The following GNL1 variants were observed in gnomAD, a reference collection of about 807,000 sequenced individuals.
The protein encoded by GNL1 is G protein nucleolar 1, also known as guanine nucleotide-binding protein-like 1.
Under a neutral mutation model 75.2 loss-of-function variants are expected in GNL1, and 21 were observed. The observed-to-expected ratio is 0.28, with a 90% CI of 0.20 to 0.40. GNL1 has a LOEUF of 0.40. GNL1 is among the 10% of genes least tolerant of loss of function. The pLI, the probability that GNL1 is intolerant of heterozygous loss-of-function variation, is 1.00. For missense variants in GNL1, 579 were observed against 775.0 expected (o/e 0.75, Z 3.00); for synonymous variants, 287 against 303.4 (o/e 0.95, Z 0.56).
In GNL1 at chr6:30,555,916, G is replaced by C. The variant is rs1277453818; in HGVS notation, c.74-196C>G. 1 of 790,458 alleles carries C rather than the reference G, an allele frequency of 1.3e-6. No individual in the cohort carries two copies. The highest frequency in any genetic ancestry group is 1.7e-5 in the African/African-American group (1 of 58,048). 49.0% of individuals were successfully genotyped at this position (790,458 alleles called of 1,614,324 possible). On this transcript the variant is annotated intron_variant, in intron 1 of 11. Transcript: ENST00000376621. The surrounding 1 kb of genome is among the most constrained non-coding windows in gnomAD (Gnocchi z 4.3). Reference sequence around the variant, plus strand: ...CAGGGAGCAGTGGGGACGGCGCCCCGTGCTAGCTGGAGGGATTCCCCTCCC... The same window carrying C: ...CAGGGAGCAGTGGGGACGGCGCCCCCTGCTAGCTGGAGGGATTCCCCTCCC...
chr6:30,555,435 T>C lies in GNL1; in HGVS notation c.239+120A>G, dbSNP rs1800088563. The C allele has an allele frequency of 9.4e-7, 1 of 1,069,396 alleles. No individual in the cohort carries two copies. Among genetic ancestry groups the C allele is most frequent in the Admixed American group, 2.1e-5 (1 of 47,358 alleles). The allele number at this position is 1,069,396 out of a possible 1,614,324, so 66.2% of individuals were successfully genotyped here. ...GGCCCGCTGTGGGGAGCCGAGTGGC[T>C]AGCGGAGAACTGTGGCATCCCAGGC... On this transcript the variant is annotated intron_variant, in intron 2 of 11. Coordinates refer to ENST00000376621, the MANE Select transcript of GNL1 (RefSeq NM_005275.5). This position sits in a 1 kb window ranked among gnomAD's most constrained non-coding sequence, Gnocchi z 4.3.
intron 8 of GNL1, among the ~76,000 whole-genome samples, chr6:30,551,139 T>C (rs1269731104): frequency 6.6e-6 from 1 of 152,052 alleles, no homozygotes; most frequent in Non-Finnish European, 1.5e-5. Flanking sequence ...GTTGAATGGG[T>C]AAATGAATGA....
chr6:30,547,824 T>C lies in GNL1; in HGVS notation c.1100-294A>G. 1 of 476,608 alleles carries C rather than the reference T, an allele frequency of 2.1e-6. No homozygotes were observed. Among genetic ancestry groups the C allele is most frequent in the Non-Finnish European group, 3.7e-6 (1 of 271,136 alleles). The allele number at this position is 476,608 out of a possible 1,614,324, so 29.5% of individuals were successfully genotyped here. The stretch of plus-strand genomic sequence containing the variant: ...AGATAACCAATACAACTTGTGTGGG[T>C]CAGTGCCTGCAGTACAGTAAGTACC... On this transcript the variant is annotated intron_variant, in intron 8 of 11. Transcript: ENST00000376621. This position sits in a 1 kb window ranked among gnomAD's most constrained non-coding sequence, Gnocchi z 5.5.
chr6:30,552,724 A>G lies in GNL1; in HGVS notation c.905-63T>C. ...AGGGCTGCTGTGCATGATGGCACAT[A>G]CTGTGCCCTGCACAGATTATGTAAC... On this transcript the variant is annotated intron_variant, in intron 7 of 11. Transcript: ENST00000376621. This position sits in a 1 kb window ranked among gnomAD's most constrained non-coding sequence, Gnocchi z 4.5. 7.1e-7 allele frequency: 1 copy of G among 1,414,462 alleles called. No individual in the cohort carries two copies. The highest frequency in any genetic ancestry group is 9.8e-7 in the Non-Finnish European group (1 of 1,017,128). 87.6% of individuals were successfully genotyped at this position (1,414,462 alleles called of 1,614,324 possible). A position where few individuals can be genotyped will look rare whatever the true frequency, so the allele number is the denominator to read the frequency against.
At position 30,551,874 on chromosome 6, in the gene GNL1, C is replaced by G. The variant is rs200993035; in HGVS notation, c.1099+593G>C. Among the ~76,000 whole-genome samples the G allele has an allele frequency of 9.2e-5, 14 of 151,378 alleles. No individual in the cohort carries two copies. In the East Asian group the frequency reaches 2.7e-3, roughly 29 times the overall value. On this transcript the variant is annotated intron_variant, in intron 8 of 11. Coordinates refer to ENST00000376621, the MANE Select transcript of GNL1 (RefSeq NM_005275.5). ...ATTCCCATCATTCCTCACATCCATT[C>G]TTTTTTTTTAAAGACAGGGTCTCTA... is the stretch of plus-strand genomic sequence containing the variant.
rs918668409 is a variant in GNL1 at position 30,548,406 on chromosome 6, C to A, written c.1100-876G>T. Reference sequence around the variant, plus strand: ...AGCTCCAAAGCCTCAATTCCAAGCACCCCTCTCTGCCCTGACAACTCATCT... The same window carrying A: ...AGCTCCAAAGCCTCAATTCCAAGCAACCCTCTCTGCCCTGACAACTCATCT... On this transcript the variant is annotated intron_variant, in intron 8 of 11. Coordinates refer to ENST00000376621, the MANE Select transcript of GNL1 (RefSeq NM_005275.5). The surrounding 1 kb of genome is among the most constrained non-coding windows in gnomAD (Gnocchi z 4.2). Among the ~76,000 whole-genome samples, 2 of 152,098 alleles carry A rather than the reference C, an allele frequency of 1.3e-5. No homozygotes were observed. The highest frequency in any genetic ancestry group is 4.8e-5 in the African/African-American group (2 of 41,404).
chr6:30,554,982 C>T (rs1294824982), intron 3 of GNL1, 67 bp from the exon 4 acceptor site: 5 of 1,608,662 alleles, frequency 3.1e-6, no homozygotes, highest in Non-Finnish European at 4.3e-6. Flanking sequence ...TCCCAGACCC[C>T]TCCTTCCTCA....
At chr6:30,551,432 C>A (rs1355958272) in intron 8 of GNL1, among the ~76,000 whole-genome samples, 1 of 152,214 alleles carries the variant, frequency 6.6e-6, no homozygotes, top group African/African-American at 2.4e-5. Flanking sequence ...CTACTCCACA[C>A]TCCCAAATTT....
chr6:30,546,192 T>A lies in GNL1; in HGVS notation c.1704A>T (p.Gly568=), dbSNP rs369257124. The A allele has an allele frequency of 2.6e-6, 4 of 1,543,192 alleles. No individual in the cohort carries two copies. The African/African-American group carries it at 5.5e-5, about 21-fold the overall frequency. ...EELSSSCEEE[G]EEDRDADEEG... ...CCTCATCCGCATCCCGGTCCTCCTC[T>A]CCCTCCTCCTCACAGGAGCTGCTCA... The change falls in exon 12 of 12, where the codon GGA becomes GGT. Residue 568 remains glycine (G), a synonymous_variant. Coordinates refer to ENST00000376621, the MANE Select transcript of GNL1 (RefSeq NM_005275.5). The surrounding 1 kb of genome is among the most constrained non-coding windows in gnomAD (Gnocchi z 5.1).
At chr6:30,554,381 G>A (rs1051042144) in intron 5 of GNL1, among the ~76,000 whole-genome samples, 194 bp downstream of exon 5, 4 of 152,146 alleles carry the variant, frequency 2.6e-5, no homozygotes, top group Admixed American at 2.6e-4. Flanking sequence ...AGAGAAGAGT[G>A]AGCTGGCCAA....
chr6:30,552,728 T>C lies in GNL1; in HGVS notation c.905-67A>G. 1 of 1,403,660 alleles carries C rather than the reference T, an allele frequency of 7.1e-7. No individual in the cohort carries two copies. The highest frequency in any genetic ancestry group is 1.4e-5 in the African/African-American group (1 of 70,342). The allele number at this position is 1,403,660 out of a possible 1,614,324, so 87.0% of individuals were successfully genotyped here. Reference sequence around the variant, plus strand: ...CTGCTGTGCATGATGGCACATACTGTGCCCTGCACAGATTATGTAACTGGC... The same window carrying C: ...CTGCTGTGCATGATGGCACATACTGCGCCCTGCACAGATTATGTAACTGGC... On this transcript the variant is annotated intron_variant, in intron 7 of 11. Transcript: ENST00000376621. This position sits in a 1 kb window ranked among gnomAD's most constrained non-coding sequence, Gnocchi z 4.5.
At chr6:30,550,390 G>A (rs1206600176) in intron 8 of GNL1, among the ~76,000 whole-genome samples, 2 of 152,050 alleles carry the variant, frequency 1.3e-5, no homozygotes, top group Non-Finnish European at 2.9e-5. Context: ...AAACCTGGAA[G>A]TCCTTCTTTA....
In GNL1 at chr6:30,553,383, G is replaced by A. The variant is rs974956352; in HGVS notation, c.775C>T (p.Arg259Trp). Reference sequence around the variant, plus strand: ...GGGTCCTGTGGGGTGCGGGGGTCCCGAGGAAAAGAGGTGAAAAGGACGACG... The same window carrying A: ...GGGTCCTGTGGGGTGCGGGGGTCCCAAGGAAAAGAGGTGAAAAGGACGACG... ...LHVVLFTSFP[R>W]DPRTPQDPSS... The change falls in exon 6 of 12, where the codon CGG becomes TGG. Residue 259 changes from arginine to tryptophan, a missense_variant. Physicochemically the swap from Arg to Trp is moderately radical, Grantham distance 101 (BLOSUM62 -3). Transcript: ENST00000376621. The A allele has an allele frequency of 9.3e-6, 15 of 1,612,378 alleles. No individual in the cohort carries two copies. The highest frequency in any genetic ancestry group is 6.7e-5 in the East Asian group (3 of 44,880).
chr6:30,553,109 G>A lies in GNL1; in HGVS notation c.879C>T (p.Ala293=), dbSNP rs1015000708. Residue 293 remains alanine (A), a synonymous_variant, in exon 7 of 12, where the codon GCC becomes GCT. Transcript: ENST00000376621. ...RALGPEQLLR[A]CEAITVGKVD... ...CTTTCCCCACAGTGATGGCTTCACA[G>A]GCTCTCAGCAACTGCTCTGGCCCCA... 1.2e-6 allele frequency: 2 copies of A among 1,613,276 alleles called. No homozygotes were observed. The highest frequency in any genetic ancestry group is 2.2e-5 in the East Asian group (1 of 44,874).
At position 30,547,004 on chromosome 6, in the gene GNL1, G is replaced by T; in HGVS notation, c.1441+108C>A. On this transcript the variant is annotated intron_variant, in intron 10 of 11. Coordinates refer to ENST00000376621, the MANE Select transcript of GNL1 (RefSeq NM_005275.5). This position sits in a 1 kb window ranked among gnomAD's most constrained non-coding sequence, Gnocchi z 5.5. ...GTGAGTGGACAGCAGCTTCATCAAT[G>T]GCAGAATCTCTGAGGAGAGGAAAGG... 1 of 1,168,884 alleles carries T rather than the reference G, an allele frequency of 8.6e-7. No individual in the cohort carries two copies. The allele number at this position is 1,168,884 out of a possible 1,614,324, so 72.4% of individuals were successfully genotyped here.
At position 30,546,697 on chromosome 6, in the gene GNL1, T is replaced by G; in HGVS notation, c.1581A>C (p.Lys527Asn). The G allele has an allele frequency of 6.2e-7, 1 of 1,604,556 alleles. No individual in the cohort carries two copies. Among genetic ancestry groups the G allele is most frequent in the South Asian group, 1.1e-5 (1 of 90,584 alleles). The change falls in exon 11 of 12, where the codon AAA becomes AAC. Residue 527 changes from lysine to asparagine, a missense_variant and splice_region_variant. By Grantham distance (94) the Lys-to-Asn change is moderately conservative (BLOSUM62 0). Coordinates refer to ENST00000376621, the MANE Select transcript of GNL1 (RefSeq NM_005275.5). This position sits in a 1 kb window ranked among gnomAD's most constrained non-coding sequence, Gnocchi z 5.1. Reference protein sequence around the residue: ...CFHPPGYSEQKGTWESHPETT... With the variant: ...CFHPPGYSEQNGTWESHPETT... The stretch of plus-strand genomic sequence containing the variant: ...GGGGAAGAATATCTGGGCTCTGACC[T>G]TTCTGTTCACTGTAGCCTGGGGGAT...
rs539691347 is a variant in GNL1, at chr6:30,552,973, C to G, written c.904+111G>C. On this transcript the variant is annotated intron_variant, in intron 7 of 11. Coordinates refer to ENST00000376621, the MANE Select transcript of GNL1 (RefSeq NM_005275.5). The surrounding 1 kb of genome is among the most constrained non-coding windows in gnomAD (Gnocchi z 4.5). The stretch of plus-strand genomic sequence containing the variant: ...CTTATTCTGTCCCTTCCCCTGGCCT[C>G]TTGCACATATCCACCATAGAGGGGT... The G allele has an allele frequency of 7.0e-5, 55 of 788,412 alleles. No homozygotes were observed. In the African/African-American group the frequency reaches 8.2e-4, roughly 12 times the overall value. 48.8% of individuals were successfully genotyped at this position (788,412 alleles called of 1,614,324 possible). A position where few individuals can be genotyped will look rare whatever the true frequency, so the allele number is the denominator to read the frequency against.
chr6:30,556,218 A>C lies in GNL1; in HGVS notation c.-15T>G, dbSNP rs1434570511. 5 of 1,601,320 alleles carry C rather than the reference A, an allele frequency of 3.1e-6. No homozygotes were observed. The highest frequency in any genetic ancestry group is 4.2e-6 in the Non-Finnish European group (5 of 1,179,546). On this transcript the variant is annotated 5_prime_UTR_variant, in exon 1 of 12. Transcript: ENST00000376621. The surrounding 1 kb of genome is among the most constrained non-coding windows in gnomAD (Gnocchi z 5.7). ...TTCCTCGGCATGGCCCGGACCAGTCACCTGGCCCGCCCTCCGCCGAGCTCC... is the reference window on the plus strand; with the variant it reads ...TTCCTCGGCATGGCCCGGACCAGTCCCCTGGCCCGCCCTCCGCCGAGCTCC...
chr6:30,553,543 C>A lies in GNL1; in HGVS notation c.615G>T (p.Pro205=), dbSNP rs139583826. 3.1e-5 allele frequency: 50 copies of A among 1,611,772 alleles called. No homozygotes were observed. Among genetic ancestry groups the A allele is most frequent in the Non-Finnish European group, 4.2e-5 (50 of 1,179,022 alleles). The change falls in exon 6 of 12, where the codon CCG becomes CCT. Residue 205 remains proline (P), a synonymous_variant. Transcript: ENST00000376621. ...TDIRHPVVNF[P]PALYEYVTGE... is the part of the protein sequence containing the mutation. ...CAGTCACATACTCATAAAGTGCTGG[C>A]GGGAAATTCACAACCTAGGACAGAG...
Sources: gnomAD v4.1 joint callset for allele counts (sites outside exome capture counted in the v4.1 genomes callset) on GRCh38, gnomAD v4.1.1 for gene constraint, Gnocchi (gnomAD v3.1) non-coding constraint, MANE v1.5 for transcripts, NCBI Gene and HGNC (gene_info 2026-07-23, HGNC 2026-07-21) for gene names.